The following FAM169A variants were observed in gnomAD, a reference collection of about 807,000 sequenced individuals.
FAM169A encodes soluble lamin-associated protein of 75 kDa.
FAM169A carries 24 observed loss-of-function variants against 75.7 expected under a neutral mutation model. The observed-to-expected ratio is 0.32, with a 90% CI of 0.23 to 0.45. The LOEUF is 0.45. Among genes scored for constraint, FAM169A ranks in the 20% least tolerant of loss-of-function variants. FAM169A has a pLI of 1.00. For missense variants in FAM169A, 673 were observed against 784.0 expected, an observed-to-expected ratio of 0.86 and a Z score of 1.69; for synonymous variants, 271 against 271.0, an observed-to-expected ratio of 1.00 and a Z score of 0.00.
intron 1 of FAM169A, chr5:74,848,590 T>C (rs962706276): frequency 6.6e-6 from 1 of 152,196 alleles, no homozygotes; most frequent in Non-Finnish European, 1.5e-5. Flanking sequence ...TGGGGTCAGC[T>C]CTGCCGCTAA....
chr5:74,861,394 A>G (rs1256912501), intron 1 of FAM169A, among the ~76,000 whole-genome samples: 1 of 152,150 alleles, frequency 6.6e-6, no homozygotes. Flanking sequence ...AGTTCACGCA[A>G]TACCTCTACC....
intron 1 of FAM169A, among the ~76,000 whole-genome samples, chr5:74,845,761 T>C (rs1403063581): frequency 6.6e-6 from 1 of 152,204 alleles, no homozygotes; most frequent in Non-Finnish European, 1.5e-5. Flanking sequence ...TTCAAAAGCC[T>C]ATGAATTTCA....
intron 1 of FAM169A, among the ~76,000 whole-genome samples, chr5:74,858,491 C>T (rs964513560): frequency 3.3e-5 from 5 of 152,070 alleles, no homozygotes; most frequent in African/African-American, 4.8e-5. Flanking sequence ...TAAGAAAAAC[C>T]GAATACCACA....
chr5:74,813,994 G>C lies in FAM169A; in HGVS notation c.516C>G (p.Thr172=). The C allele has an allele frequency of 1.3e-6, 2 of 1,579,248 alleles. No homozygotes were observed. The highest frequency in any genetic ancestry group is 1.7e-4 in the Middle Eastern group (1 of 5,900). Residue 172 remains threonine, a synonymous_variant, in exon 6 of 13, where the codon ACC becomes ACG. Coordinates refer to ENST00000687041, the MANE Select transcript of FAM169A (RefSeq NM_001376049.1). ...CAAGAACTGGCAATTGGTAACTTTG[G>C]GTAAGAAAAGAGGCACATATGCTTC... is the stretch of plus-strand genomic sequence containing the variant. ...PTGSICASFL[T]QSYQLPVLDT...
At chr5:74,841,902 T>C (rs1371301223) in intron 1 of FAM169A, among the ~76,000 whole-genome samples, 2 of 152,116 alleles carry the variant, frequency 1.3e-5, no homozygotes, top group African/African-American at 4.8e-5. Flanking sequence ...GGCAATGAAA[T>C]AAATTAACAG....
In FAM169A at chr5:74,781,184, C is replaced by T; in HGVS notation, c.*276G>A. ...TTTTTGAAATAATGGTCAGATGTAC[C>T]ACCTGATAAAGAAAATATAATATGA... On this transcript the variant is annotated 3_prime_UTR_variant, in exon 13 of 13. Coordinates refer to ENST00000687041, the MANE Select transcript of FAM169A (RefSeq NM_001376049.1). The T allele has an allele frequency of 1.4e-5, 5 of 354,438 alleles. No homozygotes were observed. Among genetic ancestry groups the T allele is most frequent in the African/African-American group, 2.1e-5 (1 of 48,162 alleles). The allele number at this position is 354,438 out of a possible 1,614,324, so 22.0% of individuals were successfully genotyped here.
chr5:74,865,724 G>A (rs925647016), intron 1 of FAM169A: 1 of 152,514 alleles, frequency 6.6e-6, no homozygotes, highest in Non-Finnish European at 1.5e-5. Flanking sequence ...GGTGAACCGA[G>A]TCTAAACGCT....
intron 1 of FAM169A, among the ~76,000 whole-genome samples, chr5:74,854,969 T>C (rs1378398864): frequency 6.6e-6 from 1 of 152,198 alleles, no homozygotes; most frequent in Non-Finnish European, 1.5e-5. Flanking sequence ...CTTTTGGGTA[T>C]ATACCAAGCA....
At chr5:74,846,860 T>C (rs1294711991) in intron 1 of FAM169A, among the ~76,000 whole-genome samples, 1 of 152,132 alleles carries the variant, frequency 6.6e-6, no homozygotes, top group Non-Finnish European at 1.5e-5. Flanking sequence ...CCACTGTGCG[T>C]GGTCCTAAGA....
chr5:74,844,102 G>T (rs1441834677), intron 1 of FAM169A, among the ~76,000 whole-genome samples: 1 of 152,182 alleles, frequency 6.6e-6, no homozygotes, highest in African/African-American at 2.4e-5. Context: ...TAAATTAAAA[G>T]TAACTTAAGA....
chr5:74,819,051 T>C (rs1224501786), intron 5 of FAM169A, among the ~76,000 whole-genome samples: 1 of 151,894 alleles, frequency 6.6e-6, no homozygotes, highest in Non-Finnish European at 1.5e-5. Context: ...AAAACCCGTC[T>C]CCACTAAAAA....
rs557405344 is a variant in FAM169A, at chr5:74,861,836, T to G, written c.-4+4329A>C. Among the ~76,000 whole-genome samples, 3 of 152,352 alleles carry G rather than the reference T, an allele frequency of 2.0e-5. No homozygotes were observed. In the South Asian group the frequency reaches 6.2e-4, roughly 32 times the overall value. ...TTAACAAAATTGGGTGATATTATCATTATGCACGTCAGCCAATGAGCTTTA... is the reference window on the plus strand; with the variant it reads ...TTAACAAAATTGGGTGATATTATCAGTATGCACGTCAGCCAATGAGCTTTA... On this transcript the variant is annotated intron_variant, in intron 1 of 12. Transcript: ENST00000687041.
intron 1 of FAM169A, among the ~76,000 whole-genome samples, chr5:74,858,614 A>C (rs1749875461): frequency 6.6e-6 from 1 of 152,162 alleles, no homozygotes. Context: ...GTAAGGGTCA[A>C]AAAGCTACCT....
At chr5:74,824,580 A>AT (rs1040498672) in intron 5 of FAM169A, among the ~76,000 whole-genome samples, 1 of 151,492 alleles carries the variant, frequency 6.6e-6, no homozygotes, top group African/African-American at 2.4e-5. Context: ...ACATGGCCTC[A>AT]TTTTTTTAAA....
In FAM169A at chr5:74,806,591, T is replaced by C. The variant is rs139014614; in HGVS notation, c.671-1307A>G. ...TGTGCAACAGAACTTTCTGTGATGA[T>C]AGACATGTCCTATTACCAGCACTGT... On this transcript the variant is annotated intron_variant, in intron 6 of 12. Coordinates refer to ENST00000687041, the MANE Select transcript of FAM169A (RefSeq NM_001376049.1). Among the ~76,000 whole-genome samples, 491 of 152,314 alleles carry C rather than the reference T, an allele frequency of 3.2e-3. 6 individuals are homozygous for C. The highest frequency in any genetic ancestry group is 0.011 in the African/African-American group (450 of 41,578).
chr5:74,799,372 T>G, intron 10 of FAM169A: 1 of 1,612,344 alleles, frequency 6.2e-7, no homozygotes, highest in Non-Finnish European at 8.5e-7. Context: ...TTACTTTGAG[T>G]CTGAAAATGA....
At position 74,800,953 on chromosome 5, in the gene FAM169A, C is replaced by G. The variant is rs1746540306; in HGVS notation, c.1030G>C (p.Asp344His). The change falls in exon 10 of 13, where the codon GAT (aspartate) becomes CAT (histidine). Residue 344 changes from aspartate (D) to histidine (H), a missense_variant. By Grantham distance (81) the Asp-to-His change is moderately conservative. Around this residue, in one of 3 missense-constraint regions of FAM169A, gnomAD observed 510 missense variants for 550.9 expected, o/e 0.93. Transcript: ENST00000687041. ...KRPKIGKRFQ[D>H]SEFSSSQGED... ...CCTTGAGAACTGCTAAATTCAGAAT[C>G]CTGAAACCGCTTTCCAATCTTTGGC... is the stretch of plus-strand genomic sequence containing the variant. 3.2e-6 allele frequency: 5 copies of G among 1,564,084 alleles called. No homozygotes were observed. The highest frequency in any genetic ancestry group is 3.7e-5 in the Admixed American group (2 of 53,914).
At chr5:74,860,020 T>C (rs1749953451) in intron 1 of FAM169A, among the ~76,000 whole-genome samples, 1 of 152,102 alleles carries the variant, frequency 6.6e-6, no homozygotes, top group Non-Finnish European at 1.5e-5. Flanking sequence ...ATTAATACAT[T>C]ATCACATTGA....
At chr5:74,835,523 G>GCCCCC (rs1480645948) in intron 4 of FAM169A, among the ~76,000 whole-genome samples, 1 of 149,874 alleles carries the variant, frequency 6.7e-6, no homozygotes, top group Admixed American at 6.7e-5. Flanking sequence ...GATCACTTGA[G>GCCCCC]CGCAAGAGGT....
Sources: allele counts gnomAD v4.1 joint callset (sites outside exome capture counted in the v4.1 genomes callset), GRCh38; gene constraint gnomAD v4.1.1; regional missense constraint gnomAD v4.1.1; transcripts MANE v1.5; gene names NCBI Gene and HGNC (gene_info 2026-07-23, HGNC 2026-07-21).